The following MAML3 variants were observed in gnomAD, a reference collection of about 807,000 sequenced individuals.
MAML3 encodes the protein mastermind-like protein 3.
In MAML3, 27 loss-of-function variants were observed where a neutral mutation model predicts 101.9. The observed-to-expected ratio is 0.27, with a 90% CI of 0.20 to 0.37. The LOEUF is 0.37. Among genes scored for constraint, MAML3 ranks in the 10% least tolerant of loss-of-function variants. The pLI is 1.00. For synonymous variants in MAML3, 501 were observed against 555.9 expected, an observed-to-expected ratio of 0.90 and a Z score of 1.39; for missense variants, 1,316 against 1,444.9, an observed-to-expected ratio of 0.91 and a Z score of 1.45.
chr4:139,835,017 C>T (rs546167559), intron 2 of MAML3, among the ~76,000 whole-genome samples: 1 of 152,340 alleles, frequency 6.6e-6, no homozygotes, highest in Non-Finnish European at 1.5e-5. Context: ...GCTGAGGAAA[C>T]AAGCAGCTCT....
At chr4:139,830,587 T>TGC (rs1321225221) in intron 2 of MAML3, among the ~76,000 whole-genome samples, 1 of 151,776 alleles carries the variant, frequency 6.6e-6, no homozygotes, top group African/African-American at 2.4e-5. Context: ...GCTAATTTTT[T>TGC]ATATTTTTAG....
intron 1 of MAML3, among the ~76,000 whole-genome samples, chr4:140,055,843 G>A (rs1019174767): frequency 6.6e-6 from 1 of 151,446 alleles, no homozygotes; most frequent in Non-Finnish European, 1.5e-5. Flanking sequence ...ACCAAATGAA[G>A]GGCCAGTTAG....
At chr4:139,800,899 C>T (rs2111102119) in intron 2 of MAML3, among the ~76,000 whole-genome samples, 1 of 152,308 alleles carries the variant, frequency 6.6e-6, no homozygotes, top group African/African-American at 2.4e-5. Context: ...GTTTCTGGCC[C>T]TTATTTGCAA....
chr4:139,974,623 AAGAGATGATTCCCG>A (rs2110798051), intron 1 of MAML3, among the ~76,000 whole-genome samples: 1 of 152,306 alleles, frequency 6.6e-6, no homozygotes, highest in East Asian at 1.9e-4. Context: ...AAGGAGTCAG[AAGAGATGATTCCCG>A]AGACTCTTCT....
chr4:139,837,448 A>G (rs527851923), intron 2 of MAML3, among the ~76,000 whole-genome samples: 2 of 152,106 alleles, frequency 1.3e-5, no homozygotes, highest in African/African-American at 4.8e-5. Context: ...CAGTGAGCTG[A>G]GATCATGCCA....
intron 1 of MAML3, among the ~76,000 whole-genome samples, chr4:139,966,930 A>C (rs1734143416): frequency 6.6e-6 from 1 of 152,196 alleles, no homozygotes; most frequent in African/African-American, 2.4e-5. Flanking sequence ...TCAAGAACTA[A>C]AAAAGAGACA....
Position 139,889,800 on chromosome 4 carries a change from C to T in MAML3, c.1636G>A (p.Ala546Thr), listed in dbSNP as rs1732426141. 2 of 1,613,920 alleles carry T rather than the reference C, an allele frequency of 1.2e-6. No homozygotes were observed. The highest frequency in any genetic ancestry group is 8.5e-7 in the Non-Finnish European group (1 of 1,179,872). The part of the protein sequence containing the change: ...KPNSPMMYPQ[A>T]FNNQNPIVPP... The stretch of plus-strand genomic sequence containing the variant: ...ACTATAGGGTTTTGGTTGTTAAAGG[C>T]TTGGGGGTACATCATTGGGCTATTT... Residue 546 changes from alanine to threonine, a missense_variant, in exon 2 of 5, where the codon GCC becomes ACC. Coordinates refer to ENST00000509479, the MANE Select transcript of MAML3 (RefSeq NM_018717.5).
intron 1 of MAML3, among the ~76,000 whole-genome samples, chr4:139,951,118 C>G (rs1733824766): frequency 6.6e-6 from 1 of 152,218 alleles, no homozygotes; most frequent in African/African-American, 2.4e-5. Flanking sequence ...AAGCCTCCTT[C>G]TCTCTCTCCC....
Position 139,907,725 on chromosome 4 carries a change from C to T in MAML3, c.469-16758G>A, listed in dbSNP as rs1732845380. On this transcript the variant is annotated intron_variant, in intron 1 of 4. Transcript: ENST00000509479. ...TTGCATGTTTTAATTTTCCTCCTGT[C>T]TATTGGAAAATGCTCCCCTTCATGC... Among the ~76,000 whole-genome samples, 5 of 152,134 alleles carry T rather than the reference C, an allele frequency of 3.3e-5. No individual in the cohort carries two copies. The South Asian group carries it at 1.0e-3, about 32-fold the overall frequency.
chr4:139,767,440 CT>C lies in MAML3; in HGVS notation c.2080-36774del, dbSNP rs372568989. On this transcript the variant is annotated intron_variant, in intron 2 of 4. Transcript: ENST00000509479. ...ACCACATCTTACATTAATGAAATTC[CT>C]TACGCTTATGAAACCAGCCATGTAA... 3.8e-3 allele frequency among the ~76,000 whole-genome samples: 575 copies of C among 152,318 alleles called. 4 individuals are homozygous for C. Among genetic ancestry groups the C allele is most frequent in the African/African-American group, 0.013 (532 of 41,566 alleles).
chr4:140,087,975 A>C (rs1727984944), intron 1 of MAML3, among the ~76,000 whole-genome samples: 1 of 152,244 alleles, frequency 6.6e-6, no homozygotes, highest in Non-Finnish European at 1.5e-5. Context: ...TAAGCACATG[A>C]AAACAAAATT....
rs1157293904 is a variant in MAML3, at chr4:139,830,410, A to ATTTTTTTTTTT, written c.2079+58936_2079+58946dup. 1.6e-4 allele frequency among the ~76,000 whole-genome samples: 20 copies of ATTTTTTTTTTT among 121,286 alleles called. 1 individual carries two copies. Among genetic ancestry groups the ATTTTTTTTTTT allele is most frequent in the East Asian group, 1.1e-3 (5 of 4,516 alleles). 79.6% of individuals were successfully genotyped at this position (121,286 alleles called of 152,430 possible). A position where few individuals can be genotyped will look rare whatever the true frequency, so the allele number is the denominator to read the frequency against. The stretch of plus-strand genomic sequence containing the variant: ...AATAAATACTTTTGCACGCTGTGCT[A>ATTTTTTTTTTT]TTTTTTTTTTTTTTTTTTTTTTGAG... On this transcript the variant is annotated intron_variant, in intron 2 of 4. Coordinates refer to ENST00000509479, the MANE Select transcript of MAML3 (RefSeq NM_018717.5).
chr4:139,770,832 A>G (rs1219383950), intron 2 of MAML3, among the ~76,000 whole-genome samples: 1 of 152,234 alleles, frequency 6.6e-6, no homozygotes, highest in Admixed American at 6.5e-5. Flanking sequence ...GATGGCCTGT[A>G]TATTTGTAAA....
intron 2 of MAML3, chr4:139,888,716 G>A (rs1732390234): frequency 3.3e-5 from 17 of 513,740 alleles, no homozygotes; most frequent in South Asian, 2.4e-4. Flanking sequence ...CTGAAATAGA[G>A]CTGATTGTAT....
intron 1 of MAML3, among the ~76,000 whole-genome samples, chr4:140,061,251 A>G (rs1727443685): frequency 6.6e-6 from 1 of 152,248 alleles, no homozygotes; most frequent in Admixed American, 6.5e-5. Flanking sequence ...ACTCAAAAGA[A>G]AACACAGTCC....
intron 2 of MAML3, among the ~76,000 whole-genome samples, chr4:139,734,323 G>A (rs1414779907): frequency 6.6e-6 from 1 of 152,162 alleles, no homozygotes; most frequent in Non-Finnish European, 1.5e-5. Flanking sequence ...CTTTCGTCAT[G>A]CGAGATGTAA....
intron 1 of MAML3, among the ~76,000 whole-genome samples, chr4:139,915,433 G>A (rs984404887): frequency 2.0e-5 from 3 of 152,192 alleles, no homozygotes; most frequent in African/African-American, 7.2e-5. Flanking sequence ...AGGTTAGCTG[G>A]CCCCATCTCT....
At chr4:139,807,249 A>C (rs1485972673) in intron 2 of MAML3, among the ~76,000 whole-genome samples, 1 of 151,958 alleles carries the variant, frequency 6.6e-6, no homozygotes, top group African/African-American at 2.4e-5. Flanking sequence ...GCTGCTTTGC[A>C]AACTGTAAAG....
At chr4:139,732,536 C>G (rs1203530727) in intron 2 of MAML3, among the ~76,000 whole-genome samples, 1 of 151,570 alleles carries the variant, frequency 6.6e-6, no homozygotes. Flanking sequence ...GTCACACAAT[C>G]AATGAATGGA....
Sources: allele counts gnomAD v4.1 joint callset (sites outside exome capture counted in the v4.1 genomes callset), GRCh38; gene constraint gnomAD v4.1.1; transcripts MANE v1.5; gene names NCBI Gene and HGNC (gene_info 2026-07-23, HGNC 2026-07-21).